The following NBN variants were observed in gnomAD, a reference collection of about 807,000 sequenced individuals.
NBN encodes the protein Nijmegen breakage syndrome 1 (nibrin).
A neutral mutation model predicts 90.8 loss-of-function variants in NBN; 88 were observed. The ratio of observed to expected loss-of-function variants is 0.97; its 90% CI spans 0.82 to 1.16. The LOEUF (loss-of-function observed/expected upper bound fraction) is 1.16, where lower values mean the gene tolerates loss of function less well. Ranked by LOEUF, NBN falls within the 50% of genes most tolerant of loss-of-function variation. The probability of loss-of-function intolerance (pLI) is 0.00; values close to 1 mark genes in which losing one functional copy is unlikely to be tolerated. For missense variants in NBN, 894 were observed against 869.6 expected (o/e 1.03, Z -0.35); for synonymous variants, 328 against 295.1 (o/e 1.11, Z -1.14).
At chr8:89,947,710 G>C (rs1054566502) in intron 12 of NBN, 114 bp downstream of exon 12, 3 of 648,154 alleles carry the variant, frequency 4.6e-6, no homozygotes, top group East Asian at 5.7e-5. Flanking sequence ...CAATCATGAA[G>C]TAAGCCATAA....
chr8:89,956,411 A>C (rs1810720752), intron 9 of NBN, among the ~76,000 whole-genome samples: 1 of 152,152 alleles, frequency 6.6e-6, no homozygotes, highest in Admixed American at 6.6e-5. Context: ...TAAATAGAAA[A>C]TAACAAATAA....
chr8:89,974,570 G>A (rs1463057322), intron 5 of NBN, among the ~76,000 whole-genome samples: 1 of 152,102 alleles, frequency 6.6e-6, no homozygotes. Flanking sequence ...AGCAGCATGA[G>A]CCCCAGTATG....
chr8:89,953,895 G>A (rs931895004), intron 10 of NBN, among the ~76,000 whole-genome samples: 5 of 152,030 alleles, frequency 3.3e-5, no homozygotes, highest in South Asian at 2.1e-4. Context: ...TAGAACTGAC[G>A]GACCCTGTGG....
intron 1 of NBN, chr8:89,984,063 A>C (rs1050631717): frequency 5.5e-6 from 1 of 180,886 alleles, no homozygotes; most frequent in Non-Finnish European, 1.2e-5. Context: ...AAGGAGTCTG[A>C]AACAAAACTG....
chr8:89,936,876 G>A (rs1252156304), intron 15 of NBN, 150 bp downstream of exon 15: 7 of 651,750 alleles, frequency 1.1e-5, no homozygotes, highest in South Asian at 1.8e-5. Flanking sequence ...CAATTGAGAG[G>A]TGCTTAAGTA....
chr8:89,951,396 A>T (rs1810444794), intron 11 of NBN, among the ~76,000 whole-genome samples: 2 of 151,918 alleles, frequency 1.3e-5, no homozygotes, highest in South Asian at 2.1e-4. Context: ...ATCAGAGGAG[A>T]AGAGAGCACA....
chr8:89,941,780 CT>C (rs1809961515), intron 14 of NBN, among the ~76,000 whole-genome samples: 1 of 152,092 alleles, frequency 6.6e-6, no homozygotes, highest in African/African-American at 2.4e-5. Flanking sequence ...GCCAATTATT[CT>C]TTCAAAAAAG....
intron 9 of NBN, 34 bp downstream of exon 9, chr8:89,958,688 GAAT>G: frequency 6.3e-7 from 1 of 1,598,360 alleles, no homozygotes; most frequent in Non-Finnish European, 8.6e-7. Flanking sequence ...TTTATTGATA[GAAT>G]AATAACAATA....
intron 7 of NBN, among the ~76,000 whole-genome samples, chr8:89,966,032 A>C (rs1811239028): frequency 6.6e-6 from 1 of 152,256 alleles, no homozygotes; most frequent in African/African-American, 2.4e-5. Context: ...TATGTGAATT[A>C]GTTATAAAGA....
chr8:89,935,494 C>T lies in NBN; in HGVS notation c.*88G>A. On this transcript the variant is annotated 3_prime_UTR_variant, in exon 16 of 16. Coordinates refer to ENST00000265433, the MANE Select transcript of NBN (RefSeq NM_002485.5). Reference sequence around the variant, plus strand: ...TAAAACATTGTAACTTAAATCGCTTCTATACACTATATATTCATATAACCT... The same window carrying T: ...TAAAACATTGTAACTTAAATCGCTTTTATACACTATATATTCATATAACCT... The T allele has an allele frequency of 6.6e-7, 1 of 1,508,456 alleles. No individual in the cohort carries two copies. Among genetic ancestry groups the T allele is most frequent in the South Asian group, 1.1e-5 (1 of 87,666 alleles). 93.4% of individuals were successfully genotyped at this position (1,508,456 alleles called of 1,614,324 possible).
intron 8 of NBN, among the ~76,000 whole-genome samples, chr8:89,963,942 T>C (rs554557717): frequency 6.6e-6 from 1 of 152,304 alleles, no homozygotes; most frequent in African/African-American, 2.4e-5. Flanking sequence ...CTAAGAGTGA[T>C]CTGTTCCTTC....
At chr8:89,965,974 T>C in intron 7 of NBN, among the ~76,000 whole-genome samples, 1 of 152,234 alleles carries the variant, frequency 6.6e-6, no homozygotes, top group Non-Finnish European at 1.5e-5. Flanking sequence ...ATTTAGGTAA[T>C]TCAAAACTGG....
chr8:89,971,156 G>T lies in NBN; in HGVS notation c.702+17C>A. 6.2e-7 allele frequency: 1 copy of T among 1,606,480 alleles called. No individual in the cohort carries two copies. The highest frequency in any genetic ancestry group is 8.5e-7 in the Non-Finnish European group (1 of 1,174,424). ...GTAATGTATTCTTTAGGAAAATTTA[G>T]CTTATAACATAATTACCTGTTTGGC... On this transcript the variant is annotated intron_variant, in intron 6 of 15. Coordinates refer to ENST00000265433, the MANE Select transcript of NBN (RefSeq NM_002485.5).
chr8:89,943,557 C>T (rs1022356788), intron 13 of NBN, among the ~76,000 whole-genome samples, 191 bp from the exon 14 acceptor site: 7 of 152,060 alleles, frequency 4.6e-5, no homozygotes, highest in African/African-American at 1.4e-4. Flanking sequence ...ATAGCTATTA[C>T]TATATACAGA....
At chr8:89,970,064 C>T (rs1005088748) in intron 7 of NBN, among the ~76,000 whole-genome samples, 1 of 152,088 alleles carries the variant, frequency 6.6e-6, no homozygotes, top group African/African-American at 2.4e-5. Flanking sequence ...GCCTGGCCTA[C>T]ATGGCAAAAC....
chr8:89,957,588 T>C (rs2516635), intron 9 of NBN, among the ~76,000 whole-genome samples: 149,990 of 152,336 alleles, frequency 0.98, 73,855 homozygotes, highest in East Asian at 1. Context: ...CACTCACTCA[T>C]TGACTTACCC....
rs786203380 is a variant in NBN, at chr8:89,970,487, T to C, written c.773A>G (p.Glu258Gly). Residue 258 changes from glutamate (E) to glycine (G), a missense_variant, in exon 7 of 16, where the codon GAA becomes GGA. By Grantham distance (98) the Glu-to-Gly change is moderately conservative. Coordinates refer to ENST00000265433, the MANE Select transcript of NBN (RefSeq NM_002485.5). ...EARLITEENE[E>G]EHNFFLAPGT... ...CGGAGCCAAAAAGAAATTATGTTCT[T>C]CTTCATTCTCTTCTGTTATCAACCT... 6.2e-7 allele frequency: 1 copy of C among 1,613,734 alleles called. No individual in the cohort carries two copies. The highest frequency in any genetic ancestry group is 1.3e-5 in the African/African-American group (1 of 74,912).
At chr8:89,981,983 T>C (rs1322211188) in intron 2 of NBN, 4 of 1,214,256 alleles carry the variant, frequency 3.3e-6, no homozygotes, top group Admixed American at 2.9e-5. Flanking sequence ...TGTAGAAATT[T>C]CCAAAATGTT....
chr8:89,971,993 C>A (rs1002121934), intron 5 of NBN, among the ~76,000 whole-genome samples: 11 of 152,118 alleles, frequency 7.2e-5, no homozygotes, highest in Non-Finnish European at 1.5e-4. Context: ...CATAACTGAC[C>A]GGCATTTCGA....
Sources: gnomAD v4.1 joint callset for allele counts (sites outside exome capture counted in the v4.1 genomes callset) on GRCh38, gnomAD v4.1.1 for gene constraint, MANE v1.5 for transcripts, NCBI Gene and HGNC (gene_info 2026-07-23, HGNC 2026-07-21) for gene names.